The following DENND4A variants were observed in gnomAD, a reference collection of about 807,000 sequenced individuals.
The protein encoded by DENND4A is C-myc promoter-binding protein.
In DENND4A, 70 loss-of-function variants were observed where a neutral mutation model predicts 199.3. That is an observed-to-expected ratio of 0.35 (90% confidence interval 0.29 to 0.43). DENND4A has a LOEUF of 0.43. Among genes scored for constraint, DENND4A ranks in the 20% least tolerant of loss-of-function variants. DENND4A has a pLI of 1.00. For synonymous variants in DENND4A, 686 were observed against 766.9 expected (o/e 0.89, Z 1.74); for missense variants, 1,723 against 2,255.8 (o/e 0.76, Z 4.78).
Position 65,741,802 on chromosome 15 carries a change from G to A in DENND4A, c.562-18C>T, listed in dbSNP as rs1426884762. 15 of 1,590,846 alleles carry A rather than the reference G, an allele frequency of 9.4e-6. No homozygotes were observed. Among genetic ancestry groups the A allele is most frequent in the Non-Finnish European group, 1.1e-5 (13 of 1,162,540 alleles). On this transcript the variant is annotated intron_variant, in intron 4 of 32. Coordinates refer to ENST00000443035, the MANE Select transcript of DENND4A (RefSeq NM_001320835.1). ...GATCCCCACTGGATTTAAAAAAATA[G>A]AAATATCATTTAATTTTTAAAAGGT...
Position 65,696,355 on chromosome 15 carries a change from ATTC to A in DENND4A, c.3082+8_3082+10del. The A allele has an allele frequency of 6.2e-7, 1 of 1,610,586 alleles. No individual in the cohort carries two copies. Among genetic ancestry groups the A allele is most frequent in the South Asian group, 1.1e-5 (1 of 90,836 alleles). On this transcript the variant is annotated splice_region_variant and intron_variant, in intron 22 of 32. Transcript: ENST00000443035. ...ATTCCGCACATAACACAAGCGTACT[ATTC>A]AACTTACCCATGCTTTCTCCTGATA...
rs752318841 is a variant in DENND4A at position 65,671,788 on chromosome 15, G to A, written c.4464+4C>T. The A allele has an allele frequency of 1.3e-6, 2 of 1,558,684 alleles. No homozygotes were observed. Among genetic ancestry groups the A allele is most frequent in the South Asian group, 1.1e-5 (1 of 90,014 alleles). On this transcript the variant is annotated splice_donor_region_variant and intron_variant, in intron 25 of 32. Transcript: ENST00000443035. ...TGAAGATTCTCTTTTGCACAAAAGT[G>A]TACCTCCATTGCATAGTTCTGGAAG...
At chr15:65,789,169 T>C (rs928869290) in intron 1 of DENND4A, among the ~76,000 whole-genome samples, 1 of 152,162 alleles carries the variant, frequency 6.6e-6, no homozygotes, top group Non-Finnish European at 1.5e-5. Context: ...TCCACTCTTA[T>C]AAAATGCTAA....
intron 4 of DENND4A, among the ~76,000 whole-genome samples, chr15:65,750,895 T>A (rs531333990): frequency 5.3e-5 from 8 of 152,310 alleles, no homozygotes; most frequent in South Asian, 4.1e-4. Context: ...ATCACTCTTG[T>A]CTATGCAAAG....
At chr15:65,722,802 C>T (rs1182907768) in intron 12 of DENND4A, 46 bp downstream of exon 12, 4 of 1,396,574 alleles carry the variant, frequency 2.9e-6, no homozygotes, top group Admixed American at 2.5e-5. Context: ...AATTGGAGTC[C>T]CTTTTTCAGA....
At chr15:65,702,056 A>G (rs1208509444) in intron 17 of DENND4A, among the ~76,000 whole-genome samples, 166 bp from the exon 18 acceptor site, 1 of 152,172 alleles carries the variant, frequency 6.6e-6, no homozygotes, top group African/African-American at 2.4e-5. Flanking sequence ...GGAGCCCAGG[A>G]GCTTCTGACT....
intron 1 of DENND4A, among the ~76,000 whole-genome samples, chr15:65,789,464 T>A (rs1348323140): frequency 6.7e-6 from 1 of 149,426 alleles, no homozygotes; most frequent in Non-Finnish European, 1.5e-5. Context: ...CCCAGCATCC[T>A]CCCACAAATT....
intron 4 of DENND4A, among the ~76,000 whole-genome samples, chr15:65,752,049 T>C (rs891880324): frequency 2.3e-4 from 32 of 140,756 alleles, no homozygotes; most frequent in Non-Finnish European, 3.0e-4. Flanking sequence ...AATGGGTAAA[T>C]TGAGATGTGG....
chr15:65,742,318 C>G (rs939940165), intron 4 of DENND4A, among the ~76,000 whole-genome samples: 1 of 152,038 alleles, frequency 6.6e-6, no homozygotes, highest in East Asian at 1.9e-4. Context: ...GAGTCTCGCT[C>G]TGTCACCCAG....
chr15:65,717,741 A>C, intron 13 of DENND4A, 37 bp downstream of exon 13: 1 of 1,504,104 alleles, frequency 6.6e-7, no homozygotes, highest in Non-Finnish European at 8.9e-7. Flanking sequence ...AGTTAAGCTC[A>C]ATAACCTGAA....
chr15:65,791,539 CGGGGAAGGCTGAACAGACCCT>C (rs1811635773), intron 1 of DENND4A, among the ~76,000 whole-genome samples: 1 of 151,786 alleles, frequency 6.6e-6, no homozygotes. Context: ...GCCCGCGGGC[CGGGGAAGGCTGAACAGACCCT>C]GGGAGGAAAA....
intron 20 of DENND4A, among the ~76,000 whole-genome samples, chr15:65,698,580 T>C (rs1179401173): frequency 2.6e-5 from 4 of 152,104 alleles, no homozygotes; most frequent in African/African-American, 9.6e-5. Context: ...AGATATTCAC[T>C]TTAATATCGT....
intron 17 of DENND4A, 46 bp downstream of exon 17, chr15:65,702,259 A>AC: frequency 6.9e-7 from 1 of 1,453,624 alleles, no homozygotes; most frequent in Non-Finnish European, 9.4e-7. Flanking sequence ...ACAGAGTGAG[A>AC]CCCCATCTCA....
chr15:65,704,685 G>A (rs888282006), intron 15 of DENND4A, among the ~76,000 whole-genome samples: 3 of 152,122 alleles, frequency 2.0e-5, no homozygotes, highest in East Asian at 3.9e-4. Flanking sequence ...CCACCTCCCC[G>A]GTTCAAGAAA....
intron 4 of DENND4A, among the ~76,000 whole-genome samples, chr15:65,751,052 G>A (rs1207547345): frequency 6.6e-6 from 1 of 152,086 alleles, no homozygotes; most frequent in Non-Finnish European, 1.5e-5. Flanking sequence ...ATGACTATGA[G>A]ACAGAGATTG....
intron 1 of DENND4A, among the ~76,000 whole-genome samples, chr15:65,782,692 T>C (rs1472187970): frequency 6.6e-6 from 1 of 152,122 alleles, no homozygotes; most frequent in Non-Finnish European, 1.5e-5. Flanking sequence ...AAAATAATTA[T>C]TTACCTCATA....
chr15:65,774,144 T>C (rs1375430376), intron 1 of DENND4A, among the ~76,000 whole-genome samples: 1 of 151,348 alleles, frequency 6.6e-6, no homozygotes, highest in African/African-American at 2.4e-5. Flanking sequence ...TCACTTGAGG[T>C]CACGAGTTCG....
In DENND4A at chr15:65,756,424, A is replaced by T. The variant is rs773322555; in HGVS notation, c.27T>A (p.Val9=). ...ATCCTGCTACAACAAAGTAGTCAGC[A>T]ACACGAGGCCCCTTGTCTTCAATCA... MIEDKGPR[V]ADYFVVAGLT... Residue 9 remains valine (V), a synonymous_variant, in exon 3 of 33, where the codon GTT becomes GTA. Coordinates refer to ENST00000443035, the MANE Select transcript of DENND4A (RefSeq NM_001320835.1). 2 of 1,611,584 alleles carry T rather than the reference A, an allele frequency of 1.2e-6. No homozygotes were observed. Among genetic ancestry groups the T allele is most frequent in the African/African-American group, 2.7e-5 (2 of 74,706 alleles).
intron 14 of DENND4A, among the ~76,000 whole-genome samples, chr15:65,706,786 G>A (rs1471529294): frequency 1.3e-5 from 2 of 152,080 alleles, no homozygotes; most frequent in African/African-American, 2.4e-5. Flanking sequence ...GAGCCACAGC[G>A]CCCGGCCTTT....
Sources: gnomAD v4.1 joint callset for allele counts (sites outside exome capture counted in the v4.1 genomes callset) on GRCh38, gnomAD v4.1.1 for gene constraint, MANE v1.5 for transcripts, NCBI Gene and HGNC (gene_info 2026-07-23, HGNC 2026-07-21) for gene names.